SMCO2: variants seen among roughly 807,000 people sequenced by gnomAD.
SMCO2 encodes the protein single-pass membrane protein with coiled-coil domains 2.
Under a neutral mutation model 29.5 loss-of-function variants are expected in SMCO2, and 25 were observed. The ratio of observed to expected loss-of-function variants is 0.85; its 90% confidence interval spans 0.62 to 1.18. SMCO2 has a LOEUF of 1.18. SMCO2 is among the 50% of genes most tolerant of loss of function. SMCO2 has a pLI of 0.00. For synonymous variants in SMCO2, 117 were observed against 123.3 expected, an observed-to-expected ratio of 0.95 and a Z score of 0.34; for missense variants, 348 against 344.5, an observed-to-expected ratio of 1.01 and a Z score of -0.08.
chr12:27,488,488 G>A (rs1949707827), exon 5 of SMCO2: 3 of 1,537,274 alleles, frequency 2.0e-6, no homozygotes, highest in African/African-American at 2.8e-5. Flanking sequence ...GACCCTGAAG[G>A]GTCAAATTGA....
At chr12:27,484,252 G>T (rs185605020) in intron 4 of SMCO2, among the ~76,000 whole-genome samples, 1 of 151,936 alleles carries the variant, frequency 6.6e-6, no homozygotes, top group Non-Finnish European at 1.5e-5. Context: ...TTAGCTGGGC[G>T]CCTGTAATCC....
chr12:27,428,705 T>C, the SMCO2 span, among the ~76,000 whole-genome samples: 340 of 151,782 alleles, frequency 2.2e-3, no homozygotes, highest in Middle Eastern at 6.8e-3. Context: ...TGACAGTTTC[T>C]TAGACACTCC....
chr12:27,490,162 A>C (rs184991478), intron 5 of SMCO2, among the ~76,000 whole-genome samples: 18 of 152,364 alleles, frequency 1.2e-4, no homozygotes, highest in African/African-American at 3.8e-4. Context: ...ACGTGATGGA[A>C]TACTACTCAG....
chr12:27,448,204 C>T, the SMCO2 span, among the ~76,000 whole-genome samples: 2 of 152,188 alleles, frequency 1.3e-5, no homozygotes, highest in South Asian at 2.1e-4. Context: ...AGTCACCCTC[C>T]TCCCAGAAGT....
intron 4 of SMCO2, 143 bp from the exon 5 acceptor site, chr12:27,475,439 G>A (rs962295627): frequency 5.5e-6 from 4 of 727,252 alleles, no homozygotes; most frequent in Non-Finnish European, 6.0e-6. Context: ...TTCTTTTCTT[G>A]AGGCTTGTGT....
the SMCO2 span, among the ~76,000 whole-genome samples, chr12:27,432,899 A>AT: frequency 2.0e-5 from 3 of 152,170 alleles, no homozygotes; most frequent in Admixed American, 6.5e-5. Context: ...ATTAATCCTC[A>AT]TTTTTTATAT....
chr12:27,446,592 C>T, the SMCO2 span: 1 of 152,182 alleles, frequency 6.6e-6, no homozygotes, highest in Admixed American at 6.5e-5. Flanking sequence ...AACCTCCCCA[C>T]TTTGAGACAC....
the SMCO2 span, among the ~76,000 whole-genome samples, chr12:27,460,838 C>G: frequency 6.6e-6 from 1 of 152,154 alleles, no homozygotes; most frequent in Non-Finnish European, 1.5e-5. Context: ...ACACCAGTGC[C>G]CAGAAACCAC....
chr12:27,470,679 G>A (rs1172867461), exon 2 of SMCO2: 3 of 1,551,262 alleles, frequency 1.9e-6, no homozygotes, highest in Middle Eastern at 1.7e-4. Context: ...CTCTGCAGAT[G>A]AAGATGGACT....
chr12:27,489,249 A>G (rs1283015013), intron 5 of SMCO2, among the ~76,000 whole-genome samples: 2 of 152,024 alleles, frequency 1.3e-5, no homozygotes, highest in Non-Finnish European at 2.9e-5. Flanking sequence ...GGGTTTCATC[A>G]TGTTGGCCAG....
the SMCO2 span, among the ~76,000 whole-genome samples, chr12:27,437,579 A>G: frequency 6.6e-6 from 1 of 152,042 alleles, no homozygotes; most frequent in East Asian, 1.9e-4. Context: ...ATTTCACTCG[A>G]TTTTATTTTA....
At chr12:27,441,695 TG>T in the SMCO2 span, among the ~76,000 whole-genome samples, 1 of 151,964 alleles carries the variant, frequency 6.6e-6, no homozygotes, top group African/African-American at 2.4e-5. Flanking sequence ...AAGGAAACAG[TG>T]GGGTTAAATT....
the SMCO2 span, chr12:27,446,359 G>A: frequency 1.3e-5 from 2 of 152,032 alleles, no homozygotes; most frequent in Non-Finnish European, 2.9e-5. Flanking sequence ...CATTTATGAG[G>A]GCCCCACCCT....
chr12:27,446,862 A>G, the SMCO2 span, among the ~76,000 whole-genome samples: 4 of 152,204 alleles, frequency 2.6e-5, no homozygotes, highest in Admixed American at 2.0e-4. Flanking sequence ...TTGCATTTCT[A>G]ACAAGTTCCC....
At chr12:27,443,334 T>C in the SMCO2 span, among the ~76,000 whole-genome samples, 1 of 151,708 alleles carries the variant, frequency 6.6e-6, no homozygotes, top group Non-Finnish European at 1.5e-5. Context: ...ATAAAAAGGC[T>C]CCTCAAAAAT....
chr12:27,423,935 T>C, the SMCO2 span: 2 of 152,192 alleles, frequency 1.3e-5, no homozygotes, highest in Non-Finnish European at 2.9e-5. Flanking sequence ...ATGTGGCTAG[T>C]ACAAAGTGAG....
At chr12:27,429,326 G>C in the SMCO2 span, among the ~76,000 whole-genome samples, 1 of 151,924 alleles carries the variant, frequency 6.6e-6, no homozygotes, top group Admixed American at 6.6e-5. Flanking sequence ...GTCAACACTT[G>C]AGTAGTCTTT....
At chr12:27,425,227 A>T in the SMCO2 span, 2 of 152,048 alleles carry the variant, frequency 1.3e-5, no homozygotes, top group Admixed American at 1.3e-4. Flanking sequence ...GAGTGAAATT[A>T]TATTTTATAA....
In SMCO2 at chr12:27,485,974, C is replaced by T. The variant is rs185161258; in HGVS notation, c.363-2486C>T. Among the ~76,000 whole-genome samples, 26 of 152,300 alleles carry T rather than the reference C, an allele frequency of 1.7e-4. No homozygotes were observed. The East Asian group carries it at 4.1e-3, about 24-fold the overall frequency. On this transcript the variant is annotated intron_variant, in intron 4 of 7. Transcript: ENST00000298876. The stretch of plus-strand genomic sequence containing the variant: ...TTATTGTAGGGCAGGACCAAAGCAG[C>T]CTTTAGTCTAGGACTAATACGGCTC...
Sources: gnomAD v4.1 joint callset for allele counts (sites outside exome capture counted in the v4.1 genomes callset) on GRCh38, gnomAD v4.1.1 for gene constraint, MANE v1.5 for transcripts, NCBI Gene and HGNC (gene_info 2026-07-23, HGNC 2026-07-21) for gene names.